DLGAP1: variants seen among roughly 807,000 people sequenced by gnomAD.
The protein encoded by DLGAP1 is disks large-associated protein 1.
DLGAP1 carries 11 observed loss-of-function variants against 90.8 expected under a neutral mutation model. That is an observed-to-expected ratio of 0.12 (90% CI 0.08 to 0.20). The LOEUF (loss-of-function observed/expected upper bound fraction) is 0.20. DLGAP1 is among the 10% of genes least tolerant of loss of function. The pLI is 1.00. For synonymous variants in DLGAP1, 558 were observed against 540.7 expected (o/e 1.03, Z -0.44); for missense variants, 1,050 against 1,333.8 (o/e 0.79, Z 3.31).
intron 3 of DLGAP1, among the ~76,000 whole-genome samples, chr18:3,957,339 A>G (rs765119897): frequency 7.9e-5 from 12 of 152,206 alleles, no homozygotes; most frequent in Non-Finnish European, 1.8e-4. Flanking sequence ...AAAGGAACAC[A>G]GCCCTGTGGA....
At chr18:4,126,445 A>C (rs778384373) in intron 2 of DLGAP1, among the ~76,000 whole-genome samples, 57 of 152,348 alleles carry the variant, frequency 3.7e-4, no homozygotes, top group Middle Eastern at 3.4e-3. Flanking sequence ...TGCACAGTTT[A>C]AAATACTTGC....
intron 1 of DLGAP1, among the ~76,000 whole-genome samples, chr18:4,301,695 A>T (rs1450470367): frequency 1.3e-5 from 2 of 152,142 alleles, no homozygotes; most frequent in Non-Finnish European, 2.9e-5. Flanking sequence ...ATCATATAAT[A>T]ATTCTATTTT....
chr18:3,691,085 T>C (rs1339454583), intron 7 of DLGAP1, among the ~76,000 whole-genome samples: 1 of 152,222 alleles, frequency 6.6e-6, no homozygotes, highest in East Asian at 1.9e-4. Flanking sequence ...ACTCCCTTTT[T>C]TTCTCAGGCC....
chr18:3,898,067 T>C (rs972750440), intron 3 of DLGAP1, among the ~76,000 whole-genome samples: 1 of 152,214 alleles, frequency 6.6e-6, no homozygotes, highest in African/African-American at 2.4e-5. Context: ...GTGCTGGGAT[T>C]ACAGGCGTGA....
At chr18:3,739,590 C>T (rs2062812812) in intron 6 of DLGAP1, among the ~76,000 whole-genome samples, 1 of 134,410 alleles carries the variant, frequency 7.4e-6, no homozygotes, top group Admixed American at 8.7e-5. Flanking sequence ...ATCACATGGA[C>T]ACAGGAAGGG....
intron 1 of DLGAP1, among the ~76,000 whole-genome samples, chr18:4,290,830 T>C (rs1446266725): frequency 6.6e-6 from 1 of 152,108 alleles, no homozygotes; most frequent in African/African-American, 2.4e-5. Context: ...CAAACCCACA[T>C]GTGGTCTATC....
chr18:3,623,007 G>A (rs1453496776), intron 7 of DLGAP1, among the ~76,000 whole-genome samples: 1 of 151,986 alleles, frequency 6.6e-6, no homozygotes, highest in African/African-American at 2.4e-5. Context: ...GTTTCACCAT[G>A]TTGGCCAGGC....
intron 2 of DLGAP1, among the ~76,000 whole-genome samples, chr18:4,096,989 T>C (rs778413045): frequency 9.2e-5 from 14 of 152,212 alleles, no homozygotes; most frequent in Non-Finnish European, 2.1e-4. Flanking sequence ...GTCGGTATAT[T>C]TTTGTCATCA....
At chr18:4,380,346 A>G (rs2082089840) in intron 1 of DLGAP1, among the ~76,000 whole-genome samples, 1 of 152,190 alleles carries the variant, frequency 6.6e-6, no homozygotes, top group South Asian at 2.1e-4. Flanking sequence ...TTGCCAATTT[A>G]ACAAGGACTA....
chr18:3,750,852 C>T (rs1223615050), intron 5 of DLGAP1, among the ~76,000 whole-genome samples: 3 of 152,154 alleles, frequency 2.0e-5, no homozygotes, highest in African/African-American at 7.2e-5. Flanking sequence ...TTCCACCCAC[C>T]AAACTCTTCA....
At chr18:3,831,484 CA>C (rs1271102896) in intron 4 of DLGAP1, among the ~76,000 whole-genome samples, 8 of 152,110 alleles carry the variant, frequency 5.3e-5, no homozygotes, top group African/African-American at 1.9e-4. Context: ...AAAGAGTTTC[CA>C]TCCATATGAG....
intron 7 of DLGAP1, among the ~76,000 whole-genome samples, chr18:3,623,570 C>T (rs1382408838): frequency 1.3e-5 from 2 of 151,796 alleles, no homozygotes; most frequent in Non-Finnish European, 1.5e-5. Context: ...GGCGGATCAC[C>T]TGAGGTCAGG....
At chr18:4,441,291 C>T (rs1374883830) in intron 1 of DLGAP1, among the ~76,000 whole-genome samples, 1 of 152,272 alleles carries the variant, frequency 6.6e-6, no homozygotes, top group Non-Finnish European at 1.5e-5. Flanking sequence ...GACTGATTCT[C>T]TCCAGGGCAA....
chr18:4,343,972 T>C (rs924060257), intron 1 of DLGAP1, among the ~76,000 whole-genome samples: 6 of 152,200 alleles, frequency 3.9e-5, no homozygotes, highest in Non-Finnish European at 8.8e-5. Flanking sequence ...AAATAAACTG[T>C]ATTACAAGGG....
At chr18:4,014,224 T>C (rs1399172296) in intron 2 of DLGAP1, among the ~76,000 whole-genome samples, 2 of 151,938 alleles carry the variant, frequency 1.3e-5, no homozygotes, top group Non-Finnish European at 2.9e-5. Context: ...TAGCTGGGAC[T>C]ACAGGTGCGC....
intron 1 of DLGAP1, among the ~76,000 whole-genome samples, chr18:4,432,097 G>A (rs533493259): frequency 6.6e-5 from 10 of 152,220 alleles, no homozygotes; most frequent in African/African-American, 2.2e-4. Flanking sequence ...TAGATTCAAC[G>A]TGAAAGTTAA....
chr18:3,898,964 T>C (rs569492620), intron 3 of DLGAP1, among the ~76,000 whole-genome samples: 1 of 152,208 alleles, frequency 6.6e-6, no homozygotes, highest in East Asian at 1.9e-4. Context: ...AATGATGAAC[T>C]TCTCCATACA....
At position 3,879,240 on chromosome 18, in the gene DLGAP1, T is replaced by A; in HGVS notation, c.829A>T (p.Ser277Cys). ...ACGGTGAGCGTGGAGGACCAGGCGC[T>A]CTTCTTCAGCAGCGGGGTGTCCAGG... Reference protein sequence around the residue: ...VSLDTPLLKKSAWSSTLTVSR... With the variant: ...VSLDTPLLKKCAWSSTLTVSR... The change falls in exon 4 of 13, where the codon AGC (serine) becomes TGC (cysteine). Residue 277 changes from serine (S) to cysteine (C), a missense_variant. By Grantham distance (112) the Ser-to-Cys change is moderately radical. Transcript: ENST00000315677. The surrounding 1 kb of genome is among the most constrained non-coding windows in gnomAD (Gnocchi z 6.6). 1 of 1,596,328 alleles carries A rather than the reference T, an allele frequency of 6.3e-7. No individual in the cohort carries two copies.
chr18:3,781,556 T>C (rs895140294), intron 5 of DLGAP1, among the ~76,000 whole-genome samples: 5 of 152,124 alleles, frequency 3.3e-5, no homozygotes, highest in East Asian at 1.9e-4. Flanking sequence ...GGTTTCACCA[T>C]GTTGGCCAGG....
Sources: allele counts gnomAD v4.1 joint callset (sites outside exome capture counted in the v4.1 genomes callset), GRCh38; gene constraint gnomAD v4.1.1; non-coding constraint Gnocchi (gnomAD v3.1); transcripts MANE v1.5; gene names NCBI Gene and HGNC (gene_info 2026-07-23, HGNC 2026-07-21).